Variants in NEBL observed in about 807,000 individuals in gnomAD.
NEBL encodes LIM and SH3 protein 2.
NEBL carries 122 observed loss-of-function variants against 140.2 expected under a neutral mutation model. The ratio of observed to expected loss-of-function variants is 0.87; its 90% CI spans 0.75 to 1.01. The LOEUF (loss-of-function observed/expected upper bound fraction) is 1.01, where lower values mean the gene tolerates loss of function less well. Among genes scored for constraint, NEBL ranks in the 50% least tolerant of loss-of-function variants. The pLI is 0.00. For missense variants in NEBL, 1,365 were observed against 1,231.3 expected (o/e 1.11, Z -1.62); for synonymous variants, 436 against 398.9 (o/e 1.09, Z -1.11).
chr10:21,006,860 C>T (rs1838157772), intron 3 of NEBL, among the ~76,000 whole-genome samples: 1 of 152,250 alleles, frequency 6.6e-6, no homozygotes, highest in Middle Eastern at 3.4e-3. Flanking sequence ...AAACCATTTT[C>T]GATCCACATT....
intron 3 of NEBL, among the ~76,000 whole-genome samples, chr10:21,227,041 T>C (rs1842161232): frequency 6.6e-6 from 1 of 152,276 alleles, no homozygotes; most frequent in South Asian, 2.1e-4. Flanking sequence ...CCAATTCAAT[T>C]CTTAATATAT....
chr10:20,830,778 G>A (rs1429440933), intron 16 of NEBL, among the ~76,000 whole-genome samples: 1 of 151,584 alleles, frequency 6.6e-6, no homozygotes, highest in Non-Finnish European at 1.5e-5. Context: ...ATATCCTTGG[G>A]CTGGGCACAA....
At chr10:20,786,428 A>G (rs1239266809) in intron 27 of NEBL, among the ~76,000 whole-genome samples, 2 of 152,234 alleles carry the variant, frequency 1.3e-5, no homozygotes, top group African/African-American at 4.8e-5. Flanking sequence ...AGAGAAATTT[A>G]GCATATAAGT....
intron 3 of NEBL, among the ~76,000 whole-genome samples, chr10:21,247,501 A>T (rs1842533167): frequency 6.6e-6 from 1 of 152,174 alleles, no homozygotes; most frequent in Admixed American, 6.5e-5. Context: ...TCCAGGATTG[A>T]TGTAGGGACT....
intron 3 of NEBL, among the ~76,000 whole-genome samples, chr10:21,228,036 A>G (rs866867124): frequency 2.6e-5 from 4 of 152,038 alleles, no homozygotes; most frequent in Non-Finnish European, 5.9e-5. Flanking sequence ...AGAGAATGAT[A>G]GTGTTCCCAT....
intron 11 of NEBL, among the ~76,000 whole-genome samples, chr10:20,846,128 T>C (rs1036662623): frequency 2.2e-4 from 34 of 152,250 alleles, no homozygotes; most frequent in Middle Eastern, 6.8e-3. Flanking sequence ...AATTCTAACA[T>C]TTGAACTACA....
At chr10:20,869,255 G>C (rs1042691966) in intron 6 of NEBL, among the ~76,000 whole-genome samples, 1 of 152,150 alleles carries the variant, frequency 6.6e-6, no homozygotes, top group African/African-American at 2.4e-5. Context: ...TCAGCATGTT[G>C]AAGTAAAATG....
chr10:20,938,721 A>C (rs1834658617), intron 4 of NEBL, among the ~76,000 whole-genome samples: 1 of 152,176 alleles, frequency 6.6e-6, no homozygotes, highest in Non-Finnish European at 1.5e-5. Context: ...AACTAGAATA[A>C]CCAATGCAAA....
chr10:21,094,083 G>A lies in NEBL; in HGVS notation c.165-73882C>T, dbSNP rs1173870381. On this transcript the variant is annotated intron_variant, in intron 2 of 6. Coordinates refer to the NEBL transcript ENST00000417816. ...GAGTCTAAAAAAGACCGGGCTGGGT[G>A]TGGTAGCTCACGCTTGTAATGCCAA... Among the ~76,000 whole-genome samples, 3 of 152,222 alleles carry A rather than the reference G, an allele frequency of 2.0e-5. 1 individual carries two copies. Among genetic ancestry groups the A allele is most frequent in the Middle Eastern group, 6.3e-3 (2 of 316 alleles).
At chr10:20,801,733 T>C (rs982451774) in intron 26 of NEBL, among the ~76,000 whole-genome samples, 21 of 152,220 alleles carry the variant, frequency 1.4e-4, no homozygotes, top group African/African-American at 4.8e-4. Context: ...GGCCGCACAG[T>C]TGATGCACTG....
chr10:20,953,318 A>G (rs1042941508), intron 4 of NEBL, among the ~76,000 whole-genome samples: 1 of 152,166 alleles, frequency 6.6e-6, no homozygotes, highest in Non-Finnish European at 1.5e-5. Flanking sequence ...CACACCAACG[A>G]AAGGCCACAT....
At chr10:21,015,797 G>A (rs1256963966) in intron 3 of NEBL, among the ~76,000 whole-genome samples, 1 of 152,204 alleles carries the variant, frequency 6.6e-6, no homozygotes, top group African/African-American at 2.4e-5. Context: ...ACAGGCATAA[G>A]CCACAGCACC....
At chr10:21,233,705 T>C (rs1388073845) in intron 3 of NEBL, among the ~76,000 whole-genome samples, 1 of 144,440 alleles carries the variant, frequency 6.9e-6, no homozygotes, top group Non-Finnish European at 1.5e-5. Flanking sequence ...GACATATTTA[T>C]ATATGCATAT....
In NEBL at chr10:20,831,308, T is replaced by A. The variant is rs2130907826; in HGVS notation, c.1561-2A>T. On this transcript the variant is annotated splice_acceptor_variant, in intron 15 of 27. Coordinates refer to ENST00000377122, the MANE Select transcript of NEBL (RefSeq NM_006393.3). LOFTEE classifies it high-confidence loss of function. The stretch of plus-strand genomic sequence containing the variant: ...TTCTAAGTCCTTCTTGTATTGTTTC[T>A]AAAAGAACAGAAAATAATCTTAGAG... 1 of 1,598,462 alleles carries A rather than the reference T, an allele frequency of 6.3e-7. No homozygotes were observed. The highest frequency in any genetic ancestry group is 1.1e-5 in the South Asian group (1 of 90,788).
intron 3 of NEBL, among the ~76,000 whole-genome samples, chr10:21,015,717 C>T (rs7920067): frequency 0.25 from 38,463 of 151,836 alleles, 9,154 homozygotes; most frequent in African/African-American, 0.61. Context: ...CTCCCTATGG[C>T]GCCCAGACTG....
At chr10:21,228,878 T>C (rs1186353842) in intron 3 of NEBL, among the ~76,000 whole-genome samples, 1 of 152,246 alleles carries the variant, frequency 6.6e-6, no homozygotes, top group Admixed American at 6.5e-5. Context: ...TGTGCTTGGA[T>C]GGGACCCAAG....
chr10:20,953,621 T>C (rs1186190487), intron 4 of NEBL, among the ~76,000 whole-genome samples: 3 of 151,650 alleles, frequency 2.0e-5, no homozygotes, highest in African/African-American at 7.3e-5. Flanking sequence ...GAAAATAAAT[T>C]ATCCTGCTTT....
intron 2 of NEBL, chr10:21,069,993 C>T (rs750758238): frequency 6.8e-5 from 31 of 456,078 alleles, no homozygotes; most frequent in South Asian, 4.3e-4. Flanking sequence ...AGAATGCAGC[C>T]ACTCATAATA....
At chr10:21,184,516 T>G (rs1463412973) in intron 3 of NEBL, among the ~76,000 whole-genome samples, 1 of 152,152 alleles carries the variant, frequency 6.6e-6, no homozygotes, top group Non-Finnish European at 1.5e-5. Context: ...TGAGTAATAT[T>G]AATTAAGTGA....
Sources: gnomAD v4.1 joint callset for allele counts (sites outside exome capture counted in the v4.1 genomes callset) on GRCh38, gnomAD v4.1.1 for gene constraint, MANE v1.5 for transcripts, NCBI Gene and HGNC (gene_info 2026-07-23, HGNC 2026-07-21) for gene names.